The following DEFB4B variants were observed in gnomAD, a reference collection of about 807,000 sequenced individuals.
DEFB4B encodes the protein defensin beta 4B.
intron 1 of DEFB4B, among the ~76,000 whole-genome samples, chr8:7,415,710 T>TCCTC (rs1808814008): frequency 1.5e-5 from 1 of 68,042 alleles, no homozygotes; most frequent in African/African-American, 5.8e-5. Context: ...CCTCCCTCCC[T>TCCTC]CCCTCCCTCC....
chr8:7,415,725 T>TCCTTCCC (rs1808817707), intron 1 of DEFB4B, among the ~76,000 whole-genome samples: 1 of 38,234 alleles, frequency 2.6e-5, no homozygotes, highest in Non-Finnish European at 5.1e-5. Context: ...CCCTCCCTCC[T>TCCTTCCC]TCCCTCCCTC....
chr8:7,415,724 C>CCTCCCTCCCTCA (rs942216378), intron 1 of DEFB4B, among the ~76,000 whole-genome samples: 122 of 125,504 alleles, frequency 9.7e-4, no homozygotes, highest in African/African-American at 3.6e-3. Context: ...TCCCTCCCTC[C>CCTCCCTCCCTCA]TTCCCTCCCT....
intron 1 of DEFB4B, among the ~76,000 whole-genome samples, chr8:7,415,718 T>TC (rs1255476399): frequency 2.3e-3 from 178 of 77,968 alleles, no homozygotes; most frequent in African/African-American, 8.2e-3. Flanking sequence ...CCTCCCTCCC[T>TC]CCCTCCTTCC....
At chr8:7,415,775 G>GCCTCCCTT in intron 1 of DEFB4B, among the ~76,000 whole-genome samples, 1 of 135,306 alleles carries the variant, frequency 7.4e-6, no homozygotes, top group Non-Finnish European at 1.6e-5. Context: ...CTGCCTCCCT[G>GCCTCCCTT]CCTCCCCGCC....
At chr8:7,415,721 C>CTCCCTCCG in intron 1 of DEFB4B, among the ~76,000 whole-genome samples, 1 of 126,466 alleles carries the variant, frequency 7.9e-6, no homozygotes, top group African/African-American at 3.1e-5. Flanking sequence ...CCCTCCCTCC[C>CTCCCTCCG]TCCTTCCCTC....
At chr8:7,416,429 A>G (rs866507082) in intron 1 of DEFB4B, among the ~76,000 whole-genome samples, 1,922 of 150,454 alleles carry the variant, frequency 0.013, 13 homozygotes, top group African/African-American at 0.046. Context: ...GGCTTAGAAG[A>G]ACGAGTGAGG....
At chr8:7,416,231 T>A (rs1315536108) in intron 1 of DEFB4B, among the ~76,000 whole-genome samples, 1 of 151,642 alleles carries the variant, frequency 6.6e-6, no homozygotes, top group African/African-American at 2.4e-5. Flanking sequence ...TTCTCTAGGT[T>A]GCAGTATCTA....
chr8:7,415,362 G>C lies in DEFB4B; in HGVS notation c.59-265C>G, dbSNP rs546221869. Among the ~76,000 whole-genome samples the C allele has an allele frequency of 1.5e-4, 22 of 151,316 alleles. 1 individual carries two copies. The highest frequency in any genetic ancestry group is 5.1e-4 in the African/African-American group (21 of 40,994). On this transcript the variant is annotated intron_variant, in intron 1 of 1. Coordinates refer to ENST00000318157, the MANE Select transcript of DEFB4B (RefSeq NM_001205266.2). ...TGTGAAAGACCCTGATCTCTCCTGA[G>C]TGACTGGGGCCTCCAGGTGGGGTCT...
chr8:7,415,502 A>C (rs1216466973), intron 1 of DEFB4B, among the ~76,000 whole-genome samples: 2 of 151,410 alleles, frequency 1.3e-5, no homozygotes, highest in Non-Finnish European at 2.9e-5. Flanking sequence ...TGCTTTTTCA[A>C]ATCATTTAGT....
intron 1 of DEFB4B, among the ~76,000 whole-genome samples, chr8:7,416,240 T>G (rs1400205231): frequency 4.0e-5 from 6 of 151,676 alleles, no homozygotes; most frequent in Non-Finnish European, 5.9e-5. Flanking sequence ...TTGCAGTATC[T>G]ACCCTTTAAA....
chr8:7,415,841 A>G (rs1261082978), intron 1 of DEFB4B, among the ~76,000 whole-genome samples: 1 of 148,610 alleles, frequency 6.7e-6, no homozygotes, highest in Admixed American at 6.8e-5. Context: ...GGTGCCTCTC[A>G]GAACCCCATT....
chr8:7,416,554 G>A (rs1024629942), intron 1 of DEFB4B, among the ~76,000 whole-genome samples: 5 of 150,634 alleles, frequency 3.3e-5, no homozygotes, highest in Non-Finnish European at 7.4e-5. Context: ...AAGAAAGAAA[G>A]ACATGCTCTA....
chr8:7,416,483 T>A (rs1317688321), intron 1 of DEFB4B, among the ~76,000 whole-genome samples: 1 of 151,552 alleles, frequency 6.6e-6, no homozygotes, highest in African/African-American at 2.4e-5. Context: ...AAGGAAGCAA[T>A]GCTTGGTTCA....
At chr8:7,415,282 C>T (rs1441771207) in intron 1 of DEFB4B, among the ~76,000 whole-genome samples, 185 bp from the exon 2 acceptor site, 2 of 149,472 alleles carry the variant, frequency 1.3e-5, no homozygotes, top group African/African-American at 5.0e-5. Flanking sequence ...AAGTTTCTGA[C>T]ATGGAAACTG....
At chr8:7,416,420 G>T (rs1808863593) in intron 1 of DEFB4B, among the ~76,000 whole-genome samples, 1 of 151,796 alleles carries the variant, frequency 6.6e-6, no homozygotes. Context: ...CTTCATATTG[G>T]CTTAGAAGAA....
intron 1 of DEFB4B, among the ~76,000 whole-genome samples, chr8:7,416,540 GAGAA>G (rs1244693856): frequency 2.6e-5 from 4 of 151,144 alleles, no homozygotes; most frequent in Admixed American, 2.0e-4. Flanking sequence ...AGAAAGGAAA[GAGAA>G]AGAAAGAAAG....
intron 1 of DEFB4B, among the ~76,000 whole-genome samples, chr8:7,415,932 T>C (rs1458907659): frequency 7.8e-4 from 115 of 147,442 alleles, no homozygotes; most frequent in African/African-American, 2.8e-3. Context: ...ATTAATTGTT[T>C]TAGGATTTAC....
intron 1 of DEFB4B, among the ~76,000 whole-genome samples, chr8:7,415,803 T>A (rs1279615554): frequency 6.8e-6 from 1 of 147,572 alleles, no homozygotes; most frequent in African/African-American, 2.5e-5. Flanking sequence ...ATTATACTGT[T>A]CTAGGTTTTG....
intron 1 of DEFB4B, among the ~76,000 whole-genome samples, chr8:7,415,845 C>A (rs1394002454): frequency 1.3e-5 from 2 of 148,418 alleles, no homozygotes; most frequent in Admixed American, 1.4e-4. Context: ...CCTCTCAGAA[C>A]CCCATTGTTC....
Sources: gnomAD v4.1 joint callset for allele counts (sites outside exome capture counted in the v4.1 genomes callset) on GRCh38, gnomAD v4.1.1 for gene constraint, MANE v1.5 for transcripts, NCBI Gene and HGNC (gene_info 2026-07-23, HGNC 2026-07-21) for gene names.